Variants in FMNL2 observed in about 807,000 individuals in gnomAD.
FMNL2 encodes the protein formin-like protein 2.
In FMNL2, 51 loss-of-function variants were observed where a neutral mutation model predicts 130.2. The ratio of observed to expected loss-of-function variants is 0.39; its 90% CI spans 0.31 to 0.49. The LOEUF (loss-of-function observed/expected upper bound fraction) is 0.49, where lower values mean the gene tolerates loss of function less well. Among genes scored for constraint, FMNL2 ranks in the 20% least tolerant of loss-of-function variants. The probability of loss-of-function intolerance (pLI) is 0.85; values close to 1 mark genes in which losing one functional copy is unlikely to be tolerated. For missense variants in FMNL2, 977 were observed against 1,316.2 expected (o/e 0.74, Z 3.99); for synonymous variants, 465 against 467.1 (o/e 1.00, Z 0.06).
chr2:152,544,144 C>T (rs1694486724), intron 3 of FMNL2, among the ~76,000 whole-genome samples: 4 of 152,280 alleles, frequency 2.6e-5, no homozygotes, highest in Middle Eastern at 3.4e-3. Flanking sequence ...AGGCCTGGCA[C>T]AGTGGCTCAC....
intron 1 of FMNL2, among the ~76,000 whole-genome samples, chr2:152,483,263 A>G (rs1690632777): frequency 6.6e-6 from 1 of 152,106 alleles, no homozygotes; most frequent in Non-Finnish European, 1.5e-5. Context: ...GTCACTGTAG[A>G]CCCTGACTGG....
intron 1 of FMNL2, among the ~76,000 whole-genome samples, chr2:152,406,582 A>G (rs2105981635): frequency 6.6e-6 from 1 of 152,338 alleles, no homozygotes; most frequent in South Asian, 2.1e-4. Context: ...TTGAATTGTT[A>G]TGATGGTAGC....
chr2:152,560,229 G>A (rs987749617), intron 5 of FMNL2, among the ~76,000 whole-genome samples: 2 of 151,438 alleles, frequency 1.3e-5, no homozygotes, highest in African/African-American at 4.9e-5. Context: ...GAGCACAAAA[G>A]CCTGTCTGTT....
intron 4 of FMNL2, among the ~76,000 whole-genome samples, chr2:152,556,030 CT>C (rs1695184571): frequency 6.6e-6 from 1 of 152,132 alleles, no homozygotes; most frequent in African/African-American, 2.4e-5. Context: ...TACCTGTTTT[CT>C]TTCCTTACTC....
intron 1 of FMNL2, among the ~76,000 whole-genome samples, chr2:152,478,175 T>C (rs934091907): frequency 6.6e-6 from 1 of 150,512 alleles, no homozygotes; most frequent in Non-Finnish European, 1.5e-5. Context: ...TTGGTTACAT[T>C]GTTTGAAAAA....
intron 1 of FMNL2, among the ~76,000 whole-genome samples, chr2:152,428,365 T>C (rs1328550148): frequency 6.6e-6 from 1 of 152,218 alleles, no homozygotes; most frequent in Non-Finnish European, 1.5e-5. Flanking sequence ...AGATTTATCA[T>C]GGAAACAAAG....
At chr2:152,599,344 G>A (rs1273984929) in intron 9 of FMNL2, among the ~76,000 whole-genome samples, 1 of 140,710 alleles carries the variant, frequency 7.1e-6, no homozygotes, top group Non-Finnish European at 1.5e-5. Flanking sequence ...ATTTCGGAAA[G>A]AGATCATTTA....
chr2:152,494,371 CAGA>C (rs1691380883), intron 1 of FMNL2, among the ~76,000 whole-genome samples: 1 of 152,148 alleles, frequency 6.6e-6, no homozygotes, highest in Admixed American at 6.5e-5. Flanking sequence ...CAGTCAAATT[CAGA>C]AGGAGTCTCA....
At chr2:152,374,551 T>C (rs765463365) in intron 1 of FMNL2, among the ~76,000 whole-genome samples, 15 of 152,048 alleles carry the variant, frequency 9.9e-5, no homozygotes, top group Non-Finnish European at 1.0e-4. Context: ...ATACATCAAA[T>C]GAAAATGACG....
chr2:152,461,023 C>A (rs1182281430), intron 1 of FMNL2, among the ~76,000 whole-genome samples: 1 of 152,146 alleles, frequency 6.6e-6, no homozygotes, highest in African/African-American at 2.4e-5. Flanking sequence ...AATGATCTTC[C>A]ACGAAACCGG....
chr2:152,532,261 C>A (rs1693741259), intron 2 of FMNL2, among the ~76,000 whole-genome samples: 1 of 152,132 alleles, frequency 6.6e-6, no homozygotes, highest in African/African-American at 2.4e-5. Context: ...TAAATAATAT[C>A]TAAAATTACT....
intron 2 of FMNL2, among the ~76,000 whole-genome samples, chr2:152,523,717 C>T (rs1376763766): frequency 4.6e-5 from 7 of 151,990 alleles, no homozygotes; most frequent in African/African-American, 1.5e-4. Flanking sequence ...ATGAAGTGGC[C>T]GTTCATTATT....
intron 1 of FMNL2, among the ~76,000 whole-genome samples, chr2:152,348,121 C>T (rs558793950): frequency 2.0e-5 from 3 of 152,252 alleles, no homozygotes; most frequent in East Asian, 3.9e-4. Flanking sequence ...TACAGACCCA[C>T]GTCAGCATGG....
At chr2:152,416,254 G>A (rs1226681324) in intron 1 of FMNL2, among the ~76,000 whole-genome samples, 1 of 152,194 alleles carries the variant, frequency 6.6e-6, no homozygotes, top group Non-Finnish European at 1.5e-5. Flanking sequence ...GCTGGAGGTT[G>A]CTGGTGAAAG....
chr2:152,380,957 C>T (rs1408383890), intron 1 of FMNL2, among the ~76,000 whole-genome samples: 1 of 152,146 alleles, frequency 6.6e-6, no homozygotes, highest in Non-Finnish European at 1.5e-5. Context: ...AAAATGGGAA[C>T]TTAGTATAAC....
chr2:152,605,111 T>G (rs1448832946), intron 9 of FMNL2, among the ~76,000 whole-genome samples: 1 of 151,690 alleles, frequency 6.6e-6, no homozygotes, highest in African/African-American at 2.4e-5. Flanking sequence ...CTGTAGATTG[T>G]CTAGGGGGGC....
chr2:152,378,514 A>G (rs1684292896), intron 1 of FMNL2, among the ~76,000 whole-genome samples: 1 of 152,152 alleles, frequency 6.6e-6, no homozygotes, highest in South Asian at 2.1e-4. Flanking sequence ...TTCATGTTTA[A>G]CTTACTTTTC....
chr2:152,336,018 C>A (rs1187389861), intron 1 of FMNL2, among the ~76,000 whole-genome samples: 1 of 151,364 alleles, frequency 6.6e-6, no homozygotes, highest in African/African-American at 2.4e-5. Context: ...CCGGGAGGTG[C>A]GGCGTGGGCG....
chr2:152,367,962 T>C lies in FMNL2; in HGVS notation c.117+32242T>C, dbSNP rs149175009. Among the ~76,000 whole-genome samples, 457 of 152,252 alleles carry C rather than the reference T, an allele frequency of 3.0e-3. 2 individuals carry two copies. The highest frequency in any genetic ancestry group is 0.011 in the African/African-American group (441 of 41,558). On this transcript the variant is annotated intron_variant, in intron 1 of 25. Transcript: ENST00000288670. ...CTGGGAAATTGTTAGAAATGAAGATTCTTGGTTCGTGTTCTTGACCTACTG... is the reference window on the plus strand; with the variant it reads ...CTGGGAAATTGTTAGAAATGAAGATCCTTGGTTCGTGTTCTTGACCTACTG...
Sources: gnomAD v4.1 joint callset for allele counts (sites outside exome capture counted in the v4.1 genomes callset) on GRCh38, gnomAD v4.1.1 for gene constraint, MANE v1.5 for transcripts, NCBI Gene and HGNC (gene_info 2026-07-23, HGNC 2026-07-21) for gene names.